Variants in CAMTA1 observed in about 807,000 individuals in gnomAD.
CAMTA1 encodes the protein calmodulin-binding transcription activator 1.
Under a neutral mutation model 170.9 loss-of-function variants are expected in CAMTA1, and 27 were observed. The observed-to-expected ratio is 0.16, with a 90% confidence interval of 0.12 to 0.22. CAMTA1 has a LOEUF of 0.22. CAMTA1 is among the 10% of genes least tolerant of loss of function. CAMTA1 has a pLI of 1.00. For missense variants in CAMTA1, 1,619 were observed against 2,217.2 expected, an observed-to-expected ratio of 0.73 and a Z score of 5.42; for synonymous variants, 833 against 891.5, an observed-to-expected ratio of 0.93 and a Z score of 1.17.
intron 5 of CAMTA1, among the ~76,000 whole-genome samples, chr1:7,250,849 A>G (rs968510209): frequency 6.6e-6 from 1 of 152,192 alleles, no homozygotes. Context: ...GTGTGGTTTA[A>G]TTGACTGCAC....
intron 18 of CAMTA1, among the ~76,000 whole-genome samples, chr1:7,746,530 C>T (rs1362011105): frequency 6.6e-6 from 1 of 152,218 alleles, no homozygotes; most frequent in East Asian, 1.9e-4. Context: ...GAAGCGTAGT[C>T]TTCTCAGTTA....
At chr1:7,142,031 C>G in intron 4 of CAMTA1, 1 of 506,568 alleles carries the variant, frequency 2.0e-6, no homozygotes, top group Non-Finnish European at 3.9e-6. Flanking sequence ...CCACCTCACG[C>G]TAGCTTCCTC....
intron 5 of CAMTA1, among the ~76,000 whole-genome samples, chr1:7,351,429 C>T (rs1000838068): frequency 6.6e-6 from 1 of 152,238 alleles, no homozygotes; most frequent in Admixed American, 6.5e-5. Flanking sequence ...GGCCAAGGTA[C>T]CTCCCACGAC....
At chr1:7,311,032 A>G (rs1410350412) in intron 5 of CAMTA1, among the ~76,000 whole-genome samples, 1 of 152,172 alleles carries the variant, frequency 6.6e-6, no homozygotes, top group Admixed American at 6.5e-5. Context: ...TGCCCAGCCA[A>G]CAAGATTGTT....
chr1:6,899,639 CA>C (rs1324897383), intron 3 of CAMTA1, among the ~76,000 whole-genome samples: 1 of 151,606 alleles, frequency 6.6e-6, no homozygotes, highest in Admixed American at 6.6e-5. Context: ...AACCACTGGG[CA>C]AAAATAACAC....
intron 3 of CAMTA1, among the ~76,000 whole-genome samples, chr1:6,904,019 A>T (rs946977992): frequency 2.0e-5 from 3 of 152,170 alleles, no homozygotes; most frequent in Non-Finnish European, 4.4e-5. Context: ...ACATATCCAG[A>T]TATTTATTCT....
chr1:7,366,500 C>T (rs11802840), intron 5 of CAMTA1, among the ~76,000 whole-genome samples: 3,063 of 152,282 alleles, frequency 0.02, 105 homozygotes, highest in African/African-American at 0.07. Context: ...GGACTCTTGG[C>T]AAATGGAATT....
intron 4 of CAMTA1, among the ~76,000 whole-genome samples, chr1:7,213,677 A>G (rs1012399541): frequency 5.9e-5 from 9 of 151,904 alleles, no homozygotes; most frequent in Non-Finnish European, 1.2e-4. Context: ...TTACATATGT[A>G]TACATGTGCC....
rs747053104 is a variant in CAMTA1 at position 7,661,812 on chromosome 1, C to A, written c.751C>A (p.His251Asn). 7 of 1,613,722 alleles carry A rather than the reference C, an allele frequency of 4.3e-6. No homozygotes were observed. In the East Asian group the frequency reaches 1.3e-4, roughly 31 times the overall value. Reference sequence around the variant, plus strand: ...GCTGGTGCAGCAGATCCTCGACAGCCACCAGACCAAGCCCCAGCCGCGGAC... The same window carrying A: ...GCTGGTGCAGCAGATCCTCGACAGCAACCAGACCAAGCCCCAGCCGCGGAC... ...EQLVQQILDS[H>N]QTKPQPRTHN... The change falls in exon 8 of 23, where the codon CAC (histidine) becomes AAC (asparagine). Residue 251 changes from histidine to asparagine, a missense_variant. His to Asn is a moderately conservative substitution (Grantham distance 68). Transcript: ENST00000303635.
chr1:6,993,475 A>G (rs529518917), intron 3 of CAMTA1, among the ~76,000 whole-genome samples: 2 of 152,146 alleles, frequency 1.3e-5, no homozygotes, highest in South Asian at 4.1e-4. Context: ...CATTACTAAA[A>G]TCCCCAATTG....
intron 5 of CAMTA1, among the ~76,000 whole-genome samples, chr1:7,330,686 A>T (rs1460396406): frequency 2.6e-5 from 4 of 152,240 alleles, no homozygotes; most frequent in Non-Finnish European, 5.9e-5. Flanking sequence ...AATATCAGGC[A>T]ATGGTTCAAT....
Position 7,147,017 on chromosome 1 carries a change from C to CCATG in CAMTA1, c.302+55649_302+55652dup, listed in dbSNP as rs1646234812. ...ACGCACACACGCACTCAAACATGCACCATGCACACACACTCATACACTTTG... is the reference window on the plus strand; with the variant it reads ...ACGCACACACGCACTCAAACATGCACCATGCATGCACACACACTCATACACTTTG... On this transcript the variant is annotated intron_variant, in intron 4 of 22. Coordinates refer to ENST00000303635, the MANE Select transcript of CAMTA1 (RefSeq NM_015215.4). Among the ~76,000 whole-genome samples the CCATG allele has an allele frequency of 2.6e-5, 4 of 151,994 alleles. No homozygotes were observed. In the South Asian group the frequency reaches 8.3e-4, roughly 32 times the overall value.
chr1:7,562,201 C>T lies in CAMTA1; in HGVS notation c.511-78199C>T, dbSNP rs72865481. On this transcript the variant is annotated intron_variant, in intron 6 of 22. Coordinates refer to ENST00000303635, the MANE Select transcript of CAMTA1 (RefSeq NM_015215.4). The surrounding 1 kb of genome is among the most constrained non-coding windows in gnomAD (Gnocchi z 4.8). ...GCCCGGCACCCCAGCTCCGGCCCCT[C>T]CCAAATCTGCTATTGTAAGCACTAC... Among the ~76,000 whole-genome samples, 14 of 152,130 alleles carry T rather than the reference C, an allele frequency of 9.2e-5. No individual in the cohort carries two copies. Among genetic ancestry groups the T allele is most frequent in the Non-Finnish European group, 1.8e-4 (12 of 68,018 alleles).
rs149188113 is a variant in CAMTA1 at position 6,979,499 on chromosome 1, G to C, written c.235-111805G>C. Among the ~76,000 whole-genome samples, 18 of 152,288 alleles carry C rather than the reference G, an allele frequency of 1.2e-4. No homozygotes were observed. The East Asian group carries it at 3.1e-3, about 26-fold the overall frequency. On this transcript the variant is annotated intron_variant, in intron 3 of 22. Transcript: ENST00000303635. ...CTGCATTTTGCAGCCTTCTGGAACT[G>C]AGCAGCTTTTAGAATTTCAAGCCAC...
chr1:6,892,831 T>G (rs1357983410), intron 3 of CAMTA1, among the ~76,000 whole-genome samples: 5 of 152,042 alleles, frequency 3.3e-5, no homozygotes, highest in Non-Finnish European at 5.9e-5. Flanking sequence ...GACTATGAGA[T>G]CTCAGTGACC....
chr1:7,258,904 A>G (rs534633952), intron 5 of CAMTA1, among the ~76,000 whole-genome samples: 1 of 152,250 alleles, frequency 6.6e-6, no homozygotes, highest in Admixed American at 6.5e-5. Context: ...GAGGGCAGGG[A>G]TATGGCTTAC....
intron 4 of CAMTA1, among the ~76,000 whole-genome samples, chr1:7,153,561 A>G (rs936387806): frequency 6.6e-6 from 1 of 152,026 alleles, no homozygotes; most frequent in African/African-American, 2.4e-5. Context: ...AAATAACACA[A>G]ACCGACGGGG....
chr1:7,649,478 C>A (rs2095833657), intron 7 of CAMTA1, among the ~76,000 whole-genome samples: 1 of 152,256 alleles, frequency 6.6e-6, no homozygotes, highest in Admixed American at 6.5e-5. Flanking sequence ...TCCCAGCCCT[C>A]TTCCTGGCTC....
intron 1 of CAMTA1, among the ~76,000 whole-genome samples, chr1:6,804,993 G>A (rs1010370432): frequency 6.6e-6 from 1 of 152,188 alleles, no homozygotes; most frequent in Non-Finnish European, 1.5e-5. Context: ...GAACATTTGT[G>A]TACAAGCTTT....
Sources: gnomAD v4.1 joint callset for allele counts (sites outside exome capture counted in the v4.1 genomes callset) on GRCh38, gnomAD v4.1.1 for gene constraint, Gnocchi (gnomAD v3.1) non-coding constraint, MANE v1.5 for transcripts, NCBI Gene and HGNC (gene_info 2026-07-23, HGNC 2026-07-21) for gene names.